Variants in CFAP47 observed in about 807,000 individuals in gnomAD.
The protein encoded by CFAP47 is cilia- and flagella-associated protein 47.
Under a neutral mutation model 148.1 loss-of-function variants are expected in CFAP47, and 29 were observed. The ratio of observed to expected loss-of-function variants is 0.20; its 90% CI spans 0.15 to 0.27. The LOEUF is 0.27. CFAP47 is among the 10% of genes least tolerant of loss of function. CFAP47 has a pLI of 1.00. For synonymous variants in CFAP47, 664 were observed against 577.3 expected (o/e 1.15, Z -2.15); for missense variants, 1,872 against 1,697.5 (o/e 1.10, Z -1.81).
At chrX:36,147,545 A>G (rs1000218798) in intron 36 of CFAP47, among the ~76,000 whole-genome samples, 2 of 112,728 alleles carry the variant, frequency 1.8e-5, no homozygotes, top group African/African-American at 6.4e-5. Context: ...TTTGAAATGC[A>G]TACATTTGTA....
intron 49 of CFAP47, among the ~76,000 whole-genome samples, chrX:36,268,019 G>A (rs782191427): frequency 2.7e-5 from 3 of 113,053 alleles, no homozygotes; most frequent in East Asian, 2.8e-4. Context: ...AAATCAAGAT[G>A]AGTATTAATT....
chrX:36,093,004 C>A (rs2146784718), intron 30 of CFAP47, among the ~76,000 whole-genome samples: 1 of 111,170 alleles, frequency 9.0e-6, no homozygotes, highest in East Asian at 2.8e-4. Context: ...TTGAGAACAT[C>A]TGACTTTGGT....
chrX:36,334,347 A>G (rs1478704400), intron 57 of CFAP47, among the ~76,000 whole-genome samples: 2 of 111,457 alleles, frequency 1.8e-5, no homozygotes, highest in African/African-American at 6.5e-5. Context: ...CCTTTTCTTT[A>G]GGTCTGTATA....
intron 56 of CFAP47, among the ~76,000 whole-genome samples, chrX:36,314,345 C>G (rs1284639238): frequency 9.0e-6 from 1 of 111,710 alleles, no homozygotes; most frequent in Non-Finnish European, 1.9e-5. Context: ...AATCAGGCAG[C>G]CTCCAAAGCC....
intron 3 of CFAP47, among the ~76,000 whole-genome samples, chrX:35,943,553 G>A (rs942673864): frequency 9.0e-6 from 1 of 111,031 alleles, no homozygotes; most frequent in Non-Finnish European, 1.9e-5. Flanking sequence ...TATAGAAATG[G>A]TTCCCAAATT....
intron 46 of CFAP47, among the ~76,000 whole-genome samples, chrX:36,231,744 T>C (rs1341874490): frequency 9.0e-6 from 1 of 111,575 alleles, no homozygotes; most frequent in Non-Finnish European, 1.9e-5. Flanking sequence ...ATATTGGCTG[T>C]GGATTTGTCA....
intron 22 of CFAP47, among the ~76,000 whole-genome samples, chrX:36,030,363 A>G (rs994318805): frequency 9.0e-5 from 10 of 111,727 alleles, no homozygotes; most frequent in Admixed American, 5.7e-4. Context: ...TATAGTCAAC[A>G]TATTATTTTC....
chrX:36,108,805 TC>T lies in CFAP47; in HGVS notation c.5320+4115del, dbSNP rs763881744. 9.4e-3 allele frequency among the ~76,000 whole-genome samples: 1,014 copies of T among 108,306 alleles called. 10 individuals carry two copies. The highest frequency in any genetic ancestry group is 0.032 in the African/African-American group (937 of 29,209). The allele number at this position is 108,306 out of a possible 115,157, so 94.1% of individuals were successfully genotyped here. On this transcript the variant is annotated intron_variant, in intron 33 of 63. Transcript: ENST00000378653. ...CTGCTGCTTCCTTTTTTTTTTTTTT[TC>T]ACTTTTATTTTAAGTTCATGGGTAC... is the stretch of plus-strand genomic sequence containing the variant.
chrX:36,325,568 G>A (rs1047504534), intron 57 of CFAP47, among the ~76,000 whole-genome samples: 2 of 111,620 alleles, frequency 1.8e-5, no homozygotes, highest in Non-Finnish European at 3.8e-5. Context: ...ATTAGGGAGT[G>A]CTCTGAGGAT....
chrX:35,924,014 T>C (rs1481143507), intron 1 of CFAP47, among the ~76,000 whole-genome samples: 4 of 83,510 alleles, frequency 4.8e-5, no homozygotes, highest in East Asian at 4.2e-4. Context: ...TGTGTAAATA[T>C]ATATGCACAT....
At chrX:36,232,234 A>G (rs1329096391) in intron 46 of CFAP47, among the ~76,000 whole-genome samples, 1 of 111,337 alleles carries the variant, frequency 9.0e-6, no homozygotes, top group African/African-American at 3.3e-5. Context: ...CTGTGAATCC[A>G]TCTGGTCCTG....
At chrX:36,294,954 CTT>C in intron 51 of CFAP47, among the ~76,000 whole-genome samples, 1 of 111,220 alleles carries the variant, frequency 9.0e-6, no homozygotes, top group East Asian at 2.8e-4. Flanking sequence ...TTGTGAATGT[CTT>C]TTCTGTTTTA....
intron 7 of CFAP47, 29 bp downstream of exon 7, chrX:35,953,748 A>G: frequency 9.1e-7 from 1 of 1,104,838 alleles, no homozygotes; most frequent in Non-Finnish European, 1.2e-6. Flanking sequence ...AAATTATCAA[A>G]TCCGTAGCCA....
chrX:35,995,308 TCA>T (rs1936834086), intron 18 of CFAP47, among the ~76,000 whole-genome samples: 1 of 111,557 alleles, frequency 9.0e-6, no homozygotes, highest in Non-Finnish European at 1.9e-5. Context: ...AAGTTTTAGA[TCA>T]TACAGGGCCT....
intron 42 of CFAP47, among the ~76,000 whole-genome samples, chrX:36,192,165 A>G (rs1398660995): frequency 1.8e-5 from 2 of 111,835 alleles, no homozygotes; most frequent in African/African-American, 6.5e-5. Context: ...TTAAGGAACA[A>G]CTATTTAAAA....
chrX:35,997,735 ATTAT>A (rs1481528549), intron 19 of CFAP47, among the ~76,000 whole-genome samples: 2 of 111,024 alleles, frequency 1.8e-5, no homozygotes, highest in South Asian at 3.8e-4. Context: ...TTCATTGTTG[ATTAT>A]TTAGTTTGTT....
intron 56 of CFAP47, among the ~76,000 whole-genome samples, chrX:36,317,575 ATTTT>A (rs782049017): frequency 1.1e-5 from 1 of 88,592 alleles, no homozygotes; most frequent in Admixed American, 1.3e-4. Flanking sequence ...ACACCCAGCT[ATTTT>A]TTTTTTTTTT....
At chrX:36,159,809 C>T (rs184629665) in intron 38 of CFAP47, among the ~76,000 whole-genome samples, 1 of 111,691 alleles carries the variant, frequency 9.0e-6, no homozygotes, top group Non-Finnish European at 1.9e-5. Context: ...CTGGCAGGAA[C>T]TTTCATCAGT....
intron 54 of CFAP47, 47 bp downstream of exon 54, chrX:36,304,007 T>C (rs1159345942): frequency 1.6e-6 from 1 of 622,142 alleles, no homozygotes; most frequent in East Asian, 3.8e-5. Context: ...CTAGATCATT[T>C]TCCAATTCTG....
Sources: gnomAD v4.1 joint callset for allele counts (sites outside exome capture counted in the v4.1 genomes callset) on GRCh38, gnomAD v4.1.1 for gene constraint, MANE v1.5 for transcripts, NCBI Gene and HGNC (gene_info 2026-07-23, HGNC 2026-07-21) for gene names.